CXCL14: variants seen among roughly 807,000 people sequenced by gnomAD.
CXCL14 encodes the protein C-X-C motif chemokine ligand 14.
CXCL14 carries 9 observed loss-of-function variants against 16.1 expected under a neutral mutation model. The ratio of observed to expected loss-of-function variants is 0.56; its 90% CI spans 0.34 to 0.97. The LOEUF is 0.97. Ranked by LOEUF, CXCL14 falls within the 50% of genes least tolerant of loss-of-function variation. The pLI is 0.02. For synonymous variants in CXCL14, 55 were observed against 52.8 expected (o/e 1.04, Z -0.18); for missense variants, 111 against 132.5 (o/e 0.84, Z 0.80).
chr5:135,572,776 C>G (rs1751046697), intron 3 of CXCL14, among the ~76,000 whole-genome samples: 1 of 152,238 alleles, frequency 6.6e-6, no homozygotes, highest in Non-Finnish European at 1.5e-5. Flanking sequence ...CCCCATGGGC[C>G]TGAGCCCACC....
At position 135,578,705 on chromosome 5, in the gene CXCL14, C is replaced by T; in HGVS notation, c.64+10G>A. The stretch of plus-strand genomic sequence containing the variant: ...ACGAGACGGCGACAAGGGGAGCTCC[C>T]CGCACTCACCGTCCACACGCGCGGT... On this transcript the variant is annotated intron_variant, in intron 1 of 3. Coordinates refer to ENST00000512158, the MANE Select transcript of CXCL14 (RefSeq NM_004887.5). 1 of 1,551,808 alleles carries T rather than the reference C, an allele frequency of 6.4e-7. No individual in the cohort carries two copies. The highest frequency in any genetic ancestry group is 2.0e-5 in the Admixed American group (1 of 50,966).
intron 2 of CXCL14, among the ~76,000 whole-genome samples, chr5:135,575,669 G>A (rs72787166): frequency 0.049 from 7,470 of 152,322 alleles, 254 homozygotes; most frequent in Non-Finnish European, 0.076. Flanking sequence ...CCAGCCTGGA[G>A]GGCGAGGCAA....
At position 135,578,895 on chromosome 5, in the gene CXCL14, T is replaced by G; in HGVS notation, c.-117A>C. Reference sequence around the variant, plus strand: ...CGGCTTTCTCTGCCCGGGGCGCGCCTTCCGGCTCTGCTGGCTCCGGCTGCG... The same window carrying G: ...CGGCTTTCTCTGCCCGGGGCGCGCCGTCCGGCTCTGCTGGCTCCGGCTGCG... On this transcript the variant is annotated 5_prime_UTR_variant, in exon 1 of 4. Transcript: ENST00000512158. The G allele has an allele frequency of 8.6e-7, 1 of 1,158,034 alleles. No homozygotes were observed. The highest frequency in any genetic ancestry group is 1.2e-6 in the Non-Finnish European group (1 of 867,116). 71.7% of individuals were successfully genotyped at this position (1,158,034 alleles called of 1,614,324 possible).
At chr5:135,572,591 C>A (rs1266449453) in intron 3 of CXCL14, among the ~76,000 whole-genome samples, 2 of 152,216 alleles carry the variant, frequency 1.3e-5, no homozygotes, top group Admixed American at 1.3e-4. Flanking sequence ...CCCATGGCTG[C>A]CCTGGGGCCA....
In CXCL14 at chr5:135,571,742, CT is replaced by C. The variant is rs566365690; in HGVS notation, c.*110del. The C allele has an allele frequency of 3.7e-5, 17 of 460,608 alleles. No homozygotes were observed. The highest frequency in any genetic ancestry group is 3.0e-4 in the African/African-American group (7 of 23,574). 28.5% of individuals were successfully genotyped at this position (460,608 alleles called of 1,614,324 possible). ...GTCTTATGCCTGTGAGAAAGAAAGG[CT>C]TTTTTTTTTTTTTTTTTTTTTTTTT... On this transcript the variant is annotated 3_prime_UTR_variant, in exon 4 of 4. Transcript: ENST00000512158.
At position 135,571,788 on chromosome 5, in the gene CXCL14, TC is replaced by T; in HGVS notation, c.*64del. 2 of 455,382 alleles carry T rather than the reference TC, an allele frequency of 4.4e-6. No individual in the cohort carries two copies. Among genetic ancestry groups the T allele is most frequent in the Non-Finnish European group, 7.8e-6 (2 of 256,832 alleles). 28.2% of individuals were successfully genotyped at this position (455,382 alleles called of 1,614,324 possible). Reference sequence around the variant, plus strand: ...TTTTTTTTTTTTTTTTTTTTTTTAATCTGCAAAGTCCTTTGCACAAGTCTCC... The same window carrying T: ...TTTTTTTTTTTTTTTTTTTTTTTAATTGCAAAGTCCTTTGCACAAGTCTCC... On this transcript the variant is annotated 3_prime_UTR_variant, in exon 4 of 4. Transcript: ENST00000512158.
chr5:135,577,216 G>T (rs1311937191), intron 2 of CXCL14, among the ~76,000 whole-genome samples: 1 of 152,156 alleles, frequency 6.6e-6, no homozygotes, highest in Non-Finnish European at 1.5e-5. Flanking sequence ...TCTTAGACGA[G>T]TGAGATTTAA....
chr5:135,572,164 G>T (rs1237551358), intron 3 of CXCL14, among the ~76,000 whole-genome samples: 1 of 152,166 alleles, frequency 6.6e-6, no homozygotes, highest in African/African-American at 2.4e-5. Flanking sequence ...GGAAACTGAG[G>T]CACCACAGAC....
At chr5:135,576,836 A>G (rs529554448) in intron 2 of CXCL14, among the ~76,000 whole-genome samples, 1 of 151,840 alleles carries the variant, frequency 6.6e-6, no homozygotes, top group Non-Finnish European at 1.5e-5. Context: ...GTGGCTGAAA[A>G]CCTGCTTTGC....
intron 3 of CXCL14, among the ~76,000 whole-genome samples, chr5:135,573,163 A>T (rs1751051075): frequency 1.3e-5 from 2 of 152,128 alleles, no homozygotes; most frequent in Admixed American, 1.3e-4. Flanking sequence ...TCAGATCAAG[A>T]TGCCCTCAGC....
rs745502995 is a variant in CXCL14, at chr5:135,574,654, C to T, written c.202G>A (p.Gly68Ser). Residue 68 changes from glycine to serine, a missense_variant, in exon 3 of 4, where the codon GGT (glycine) becomes AGT (serine). Gly to Ser is a moderately conservative substitution (Grantham distance 56). Coordinates refer to ENST00000512158, the MANE Select transcript of CXCL14 (RefSeq NM_004887.5). ...ITTKSVSRYR[G>S]QEHCLHPKLQ... Reference sequence around the variant, plus strand: ...TTGGGGTGCAGGCAGTGCTCCTGACCTCGGTACCTGGACACGCTCTTGGTG... The same window carrying T: ...TTGGGGTGCAGGCAGTGCTCCTGACTTCGGTACCTGGACACGCTCTTGGTG... The T allele has an allele frequency of 3.7e-6, 6 of 1,613,788 alleles. No homozygotes were observed. The highest frequency in any genetic ancestry group is 5.1e-6 in the Non-Finnish European group (6 of 1,179,964).
In CXCL14 at chr5:135,578,941, C is replaced by G; in HGVS notation, c.-163G>C. ...CTGCGCCGTCGGTGGATGCCCAGGG[C>G]TGTCTGTGGCCGTGCGCTGCGCTCT... On this transcript the variant is annotated 5_prime_UTR_variant, in exon 1 of 4. Coordinates refer to ENST00000512158, the MANE Select transcript of CXCL14 (RefSeq NM_004887.5). 1 of 692,624 alleles carries G rather than the reference C, an allele frequency of 1.4e-6. No homozygotes were observed. Among genetic ancestry groups the G allele is most frequent in the Non-Finnish European group, 2.2e-6 (1 of 448,618 alleles). 42.9% of individuals were successfully genotyped at this position (692,624 alleles called of 1,614,324 possible). A position where few individuals can be genotyped will look rare whatever the true frequency, so the allele number is the denominator to read the frequency against.
intron 2 of CXCL14, among the ~76,000 whole-genome samples, chr5:135,575,685 C>A (rs1039244407): frequency 6.6e-6 from 1 of 152,164 alleles, no homozygotes; most frequent in African/African-American, 2.4e-5. Flanking sequence ...GGCAAGCCTG[C>A]TGCTCAGAAC....
rs183249366 is a variant in CXCL14, at chr5:135,571,496, G to A, written c.*357C>T. On this transcript the variant is annotated 3_prime_UTR_variant, in exon 4 of 4. Coordinates refer to ENST00000512158, the MANE Select transcript of CXCL14 (RefSeq NM_004887.5). ...ACCAAGCTCATTGTTCCTCCCGGGC[G>A]CTTATAAAGCTCAGATGTATAGTGA... 8.5e-4 allele frequency: 187 copies of A among 219,302 alleles called. No individual in the cohort carries two copies. Among genetic ancestry groups the A allele is most frequent in the African/African-American group, 3.9e-3 (172 of 43,562 alleles). 13.6% of individuals were successfully genotyped at this position (219,302 alleles called of 1,614,324 possible). A position where few individuals can be genotyped will look rare whatever the true frequency, so the allele number is the denominator to read the frequency against.
At chr5:135,577,723 T>A (rs967949181) in intron 2 of CXCL14, among the ~76,000 whole-genome samples, 1 of 152,150 alleles carries the variant, frequency 6.6e-6, no homozygotes, top group African/African-American at 2.4e-5. Context: ...TGGCCTCAAG[T>A]GGTTAATTGG....
intron 2 of CXCL14, among the ~76,000 whole-genome samples, chr5:135,578,046 G>C (rs534120473): frequency 3.3e-5 from 5 of 152,348 alleles, no homozygotes; most frequent in African/African-American, 9.6e-5. Context: ...GTGACAGGAA[G>C]GCAGCACGCC....
intron 2 of CXCL14, among the ~76,000 whole-genome samples, chr5:135,577,648 T>C (rs1751127134): frequency 6.6e-6 from 1 of 152,216 alleles, no homozygotes; most frequent in South Asian, 2.1e-4. Flanking sequence ...GGCAAATATT[T>C]GGTAGCCGCT....
At position 135,571,559 on chromosome 5, in the gene CXCL14, A is replaced by G; in HGVS notation, c.*294T>C. ...TACAAAAAAGCATTTTTTAAAAAGG[A>G]AAGGCATGAGTTTTCCCCTTTTTGA... On this transcript the variant is annotated 3_prime_UTR_variant, in exon 4 of 4. Transcript: ENST00000512158. 2.4e-6 allele frequency: 1 copy of G among 425,510 alleles called. No homozygotes were observed. Among genetic ancestry groups the G allele is most frequent in the Non-Finnish European group, 4.1e-6 (1 of 241,960 alleles). 26.4% of individuals were successfully genotyped at this position (425,510 alleles called of 1,614,324 possible).
At chr5:135,576,859 C>T (rs928776342) in intron 2 of CXCL14, among the ~76,000 whole-genome samples, 1 of 151,964 alleles carries the variant, frequency 6.6e-6, no homozygotes, top group African/African-American at 2.4e-5. Context: ...AAGTGCTGGC[C>T]CCTCATCTGA....
Sources: allele counts gnomAD v4.1 joint callset (sites outside exome capture counted in the v4.1 genomes callset), GRCh38; gene constraint gnomAD v4.1.1; transcripts MANE v1.5; gene names NCBI Gene and HGNC (gene_info 2026-07-23, HGNC 2026-07-21).